The following MBD5 variants were observed in gnomAD, a reference collection of about 807,000 sequenced individuals.
MBD5 encodes methyl-CpG binding domain protein 5.
In MBD5, 13 loss-of-function variants were observed where a neutral mutation model predicts 117.3. That is an observed-to-expected ratio of 0.11 (90% CI 0.07 to 0.18). The LOEUF is 0.18. MBD5 is among the 10% of genes least tolerant of loss of function. The probability of loss-of-function intolerance (pLI) is 1.00; values close to 1 mark genes in which losing one functional copy is unlikely to be tolerated. For missense variants in MBD5, 1,879 were observed against 2,093.8 expected (o/e 0.90, Z 2.00); for synonymous variants, 727 against 766.4 (o/e 0.95, Z 0.85).
intron 1 of MBD5, among the ~76,000 whole-genome samples, chr2:148,162,694 A>G (rs1698037206): frequency 6.6e-6 from 1 of 152,192 alleles, no homozygotes; most frequent in Admixed American, 6.5e-5. Flanking sequence ...TAAAATCAAT[A>G]TAAGTAATAA....
chr2:148,223,906 T>A (rs1309154225), intron 2 of MBD5, among the ~76,000 whole-genome samples: 1 of 152,122 alleles, frequency 6.6e-6, no homozygotes, highest in African/African-American at 2.4e-5. Context: ...ATTCCATAGG[T>A]TTTGCTTGTT....
rs10172638 is a variant in MBD5 at position 148,196,810 on chromosome 2, C to T, written c.-831+18017C>T. 1.0e-2 allele frequency among the ~76,000 whole-genome samples: 1,514 copies of T among 152,096 alleles called. 26 individuals carry two copies. Among genetic ancestry groups the T allele is most frequent in the African/African-American group, 0.034 (1,429 of 41,494 alleles). ...ATTTTATTGTGTCAGACAAAGTAGG[C>T]TCTTTTATAAGCAAAGGGAGTGGGG... On this transcript the variant is annotated intron_variant, in intron 2 of 13. Coordinates refer to ENST00000642680, the MANE Select transcript of MBD5 (RefSeq NM_001378120.1).
intron 1 of MBD5, among the ~76,000 whole-genome samples, chr2:148,060,180 A>T (rs1394821312): frequency 8.2e-6 from 1 of 122,108 alleles, no homozygotes; most frequent in Non-Finnish European, 1.6e-5. Flanking sequence ...ATGGTGGTGC[A>T]GGCCTATAGT....
At chr2:148,261,077 G>A (rs1700720189) in intron 3 of MBD5, among the ~76,000 whole-genome samples, 1 of 152,158 alleles carries the variant, frequency 6.6e-6, no homozygotes, top group Admixed American at 6.5e-5. Flanking sequence ...GCAAACAGAT[G>A]TGCTATCCTC....
intron 1 of MBD5, among the ~76,000 whole-genome samples, chr2:148,031,186 C>T (rs1258428578): frequency 2.6e-5 from 4 of 151,982 alleles, no homozygotes; most frequent in Non-Finnish European, 5.9e-5. Flanking sequence ...GTAATGTTTT[C>T]TATAATCAGG....
Position 148,092,673 on chromosome 2 carries a change from TG to T in MBD5, c.-925+70995del, listed in dbSNP as rs375265402. Among the ~76,000 whole-genome samples the T allele has an allele frequency of 5.3e-5, 8 of 152,054 alleles. 1 individual carries two copies. In the South Asian group the frequency reaches 1.7e-3, roughly 32 times the overall value. ...ACTTTGGGTACTCAGGAGTAAGGGTTGGGGGGTGAGGGATAAAGACTACACA... is the reference window on the plus strand; with the variant it reads ...ACTTTGGGTACTCAGGAGTAAGGGTTGGGGGTGAGGGATAAAGACTACACA... On this transcript the variant is annotated intron_variant, in intron 1 of 13. Coordinates refer to ENST00000642680, the MANE Select transcript of MBD5 (RefSeq NM_001378120.1).
intron 5 of MBD5, 81 bp from the exon 6 acceptor site, chr2:148,462,501 A>G (rs912673810): frequency 3.3e-6 from 3 of 902,658 alleles, no homozygotes; most frequent in African/African-American, 1.6e-5. Context: ...AAAGGACAGT[A>G]AGACTATAAA....
intron 1 of MBD5, among the ~76,000 whole-genome samples, chr2:148,106,683 T>C (rs1425406478): frequency 6.6e-6 from 1 of 151,994 alleles, no homozygotes; most frequent in Non-Finnish European, 1.5e-5. Flanking sequence ...TGTTTTCCCT[T>C]CTACTAGTTT....
chr2:148,283,668 C>T (rs1249104476), intron 3 of MBD5, among the ~76,000 whole-genome samples: 2 of 152,188 alleles, frequency 1.3e-5, no homozygotes, highest in African/African-American at 4.8e-5. Context: ...GTGCTCTCCA[C>T]TGAAGTCCCC....
intron 10 of MBD5, among the ~76,000 whole-genome samples, chr2:148,488,715 T>C (rs1681418242): frequency 6.6e-6 from 1 of 152,046 alleles, no homozygotes; most frequent in Non-Finnish European, 1.5e-5. Context: ...GCCCTCATCC[T>C]TCCTATACTG....
At chr2:148,499,098 G>C in intron 11 of MBD5, among the ~76,000 whole-genome samples, 1 of 152,044 alleles carries the variant, frequency 6.6e-6, no homozygotes. Context: ...TTTGAGATCA[G>C]CTTGGGCAAT....
intron 3 of MBD5, among the ~76,000 whole-genome samples, chr2:148,338,186 G>A (rs1044403870): frequency 2.6e-5 from 4 of 152,124 alleles, no homozygotes; most frequent in Admixed American, 2.0e-4. Context: ...AATTACCTGA[G>A]ATAGTTTTAA....
intron 9 of MBD5, chr2:148,485,272 G>C (rs1681300746): frequency 6.4e-6 from 1 of 155,592 alleles, no homozygotes; most frequent in African/African-American, 2.4e-5. Context: ...TCGATGATTT[G>C]ATTTGGTATC....
chr2:148,381,791 G>A (rs570510478), intron 4 of MBD5, among the ~76,000 whole-genome samples: 1 of 152,288 alleles, frequency 6.6e-6, no homozygotes, highest in African/African-American at 2.4e-5. Flanking sequence ...AGAAGAGAGT[G>A]GGGGCCAATA....
chr2:148,441,090 T>C (rs1019072911), intron 4 of MBD5, among the ~76,000 whole-genome samples: 1 of 152,092 alleles, frequency 6.6e-6, no homozygotes, highest in African/African-American at 2.4e-5. Context: ...GCTCTATTCC[T>C]AAGTGTTATT....
intron 1 of MBD5, among the ~76,000 whole-genome samples, chr2:148,116,179 A>G (rs1412805331): frequency 1.5e-5 from 2 of 136,854 alleles, no homozygotes; most frequent in African/African-American, 2.7e-5. Context: ...GTTTACCTAC[A>G]TGTTTTTTTA....
At chr2:148,255,257 C>T (rs184692433) in intron 3 of MBD5, among the ~76,000 whole-genome samples, 3 of 148,994 alleles carry the variant, frequency 2.0e-5, no homozygotes, top group East Asian at 1.9e-4. Context: ...CCTGGGCAGT[C>T]GTACCACACC....
intron 4 of MBD5, among the ~76,000 whole-genome samples, chr2:148,409,238 A>G (rs1462658197): frequency 6.6e-6 from 1 of 151,988 alleles, no homozygotes; most frequent in South Asian, 2.1e-4. Context: ...ATAAACAAAA[A>G]TTAGCCAGAC....
At chr2:148,280,734 G>A (rs1313323328) in intron 3 of MBD5, among the ~76,000 whole-genome samples, 2 of 152,088 alleles carry the variant, frequency 1.3e-5, no homozygotes, top group African/African-American at 4.8e-5. Flanking sequence ...CTGGCCTAAA[G>A]TTGTTTTCTT....
Sources: allele counts gnomAD v4.1 joint callset (sites outside exome capture counted in the v4.1 genomes callset), GRCh38; gene constraint gnomAD v4.1.1; transcripts MANE v1.5; gene names NCBI Gene and HGNC (gene_info 2026-07-23, HGNC 2026-07-21).